The following DSE variants were observed in gnomAD, a reference collection of about 807,000 sequenced individuals.
DSE encodes dermatan sulfate epimerase, also known as dermatan-sulfate epimerase.
A neutral mutation model predicts 84.4 loss-of-function variants in DSE; 36 were observed. The observed-to-expected ratio is 0.43, with a 90% CI of 0.33 to 0.56. The LOEUF (loss-of-function observed/expected upper bound fraction) is 0.56, where lower values mean the gene tolerates loss of function less well. Ranked by LOEUF, DSE falls within the 20% of genes least tolerant of loss-of-function variation. The probability of loss-of-function intolerance (pLI) is 0.06; values close to 1 mark genes in which losing one functional copy is unlikely to be tolerated. For missense variants in DSE, 862 were observed against 1,169.6 expected (o/e 0.74, Z 3.84); for synonymous variants, 410 against 430.1 (o/e 0.95, Z 0.58).
intron 2 of DSE, among the ~76,000 whole-genome samples, chr6:116,404,305 A>G (rs1781781389): frequency 6.6e-6 from 1 of 152,258 alleles, no homozygotes; most frequent in Non-Finnish European, 1.5e-5. Context: ...TCACTTAATA[A>G]TATGGGAAGA....
chr6:116,401,954 A>G (rs1781626263), intron 2 of DSE, among the ~76,000 whole-genome samples: 1 of 151,990 alleles, frequency 6.6e-6, no homozygotes, highest in African/African-American at 2.4e-5. Flanking sequence ...CAATAGCTTC[A>G]TCAGGCTGAA....
intron 2 of DSE, among the ~76,000 whole-genome samples, chr6:116,357,817 C>G (rs1429903080): frequency 1.3e-5 from 2 of 152,136 alleles, no homozygotes; most frequent in Non-Finnish European, 2.9e-5. Context: ...TCCGCGTGCG[C>G]ACGTGTGTGT....
At chr6:116,310,546 A>G (rs1015510773) in intron 2 of DSE, among the ~76,000 whole-genome samples, 2 of 151,968 alleles carry the variant, frequency 1.3e-5, no homozygotes, top group African/African-American at 2.4e-5. Flanking sequence ...CGGCTCCACA[A>G]TTCATTCAGT....
At chr6:116,396,622 C>T (rs150873154) in intron 1 of DSE, among the ~76,000 whole-genome samples, 31 of 152,294 alleles carry the variant, frequency 2.0e-4, no homozygotes, top group South Asian at 8.3e-4. Context: ...GTTGAGATGG[C>T]ATCCTTCCCA....
At chr6:116,433,262 A>G (rs1214087360) in intron 4 of DSE, 81 bp from the exon 5 acceptor site, 2 of 1,356,146 alleles carry the variant, frequency 1.5e-6, no homozygotes. Flanking sequence ...TTGCAACTAG[A>G]TTTGAAAAGT....
Position 116,444,725 on chromosome 6 carries a change from G to T in DSE, c.*7380G>T, listed in dbSNP as rs957766413. 6.6e-6 allele frequency: 1 copy of T among 152,184 alleles called. No homozygotes were observed. Among genetic ancestry groups the T allele is most frequent in the African/African-American group, 2.4e-5 (1 of 41,424 alleles). The allele number at this position is 152,184 out of a possible 1,614,324, so 9.4% of individuals were successfully genotyped here. On this transcript the variant is annotated 3_prime_UTR_variant, in exon 6 of 6. Transcript: ENST00000644252. The stretch of plus-strand genomic sequence containing the variant: ...AGAGGTCCCTTGTCCCTTCCAACAT[G>T]TGAGGCTACAGTGAAAAGATGGCCA...
chr6:116,376,433 C>G (rs1272285968), intron 1 of DSE, among the ~76,000 whole-genome samples: 1 of 152,144 alleles, frequency 6.6e-6, no homozygotes, highest in Non-Finnish European at 1.5e-5. Flanking sequence ...GAAAAGTGTT[C>G]AGAGAGCCTG....
At chr6:116,332,250 A>G (rs2114793646) in intron 2 of DSE, among the ~76,000 whole-genome samples, 1 of 152,336 alleles carries the variant, frequency 6.6e-6, no homozygotes, top group African/African-American at 2.4e-5. Context: ...AGACATTAAA[A>G]AAGACAAATC....
intron 2 of DSE, among the ~76,000 whole-genome samples, chr6:116,328,079 T>G (rs1776731748): frequency 6.6e-6 from 1 of 152,186 alleles, no homozygotes; most frequent in Non-Finnish European, 1.5e-5. Flanking sequence ...CATTAGCCCA[T>G]CAACAGAACC....
At chr6:116,281,420 A>G (rs1487195510) in intron 2 of DSE, among the ~76,000 whole-genome samples, 1 of 152,206 alleles carries the variant, frequency 6.6e-6, no homozygotes, top group Non-Finnish European at 1.5e-5. Flanking sequence ...TATGAAATGA[A>G]TACACCTTGG....
At position 116,305,203 on chromosome 6, in the gene DSE, C is replaced by G. The variant is rs140844090; in HGVS notation, c.-54+46236C>G. Among the ~76,000 whole-genome samples, 274 of 152,038 alleles carry G rather than the reference C, an allele frequency of 1.8e-3. 1 individual carries two copies. The highest frequency in any genetic ancestry group is 5.4e-3 in the Admixed American group (82 of 15,262). On this transcript the variant is annotated intron_variant, in intron 2 of 3. Transcript: ENST00000430252. ...GTTGGGTCTCCCACATAAGTGTCCTCCCTTCTCTCCCATCCTCTCCCATCC... is the reference window on the plus strand; with the variant it reads ...GTTGGGTCTCCCACATAAGTGTCCTGCCTTCTCTCCCATCCTCTCCCATCC...
At chr6:116,432,255 G>C (rs1447564731) in intron 4 of DSE, among the ~76,000 whole-genome samples, 1 of 152,230 alleles carries the variant, frequency 6.6e-6, no homozygotes, top group East Asian at 1.9e-4. Flanking sequence ...ATCAGGAATT[G>C]TGTTTGCTGT....
upstream of DSE, chr6:116,370,859 C>T: frequency 1.0e-6 from 1 of 985,742 alleles, no homozygotes; most frequent in Non-Finnish European, 1.2e-6. Context: ...GCGGTTTCCT[C>T]CCCCCTCCAG....
chr6:116,272,752 A>G (rs1051507569), intron 2 of DSE, among the ~76,000 whole-genome samples: 8 of 152,218 alleles, frequency 5.3e-5, no homozygotes, highest in East Asian at 1.9e-4. Context: ...GCTCAAAGCT[A>G]TATATAATGA....
chr6:116,431,783 TA>T (rs1034268293), intron 4 of DSE, among the ~76,000 whole-genome samples: 3 of 151,854 alleles, frequency 2.0e-5, no homozygotes, highest in Admixed American at 6.6e-5. Flanking sequence ...GAACTAGCTC[TA>T]AAAAAAATAT....
At chr6:116,427,143 G>A (rs531092123) in intron 3 of DSE, among the ~76,000 whole-genome samples, 1 of 143,110 alleles carries the variant, frequency 7.0e-6, no homozygotes, top group South Asian at 2.2e-4. Flanking sequence ...CAGCCATCCT[G>A]GAATAAGTGA....
At chr6:116,412,965 T>C (rs1782478421) in intron 2 of DSE, among the ~76,000 whole-genome samples, 1 of 152,128 alleles carries the variant, frequency 6.6e-6, no homozygotes, top group Middle Eastern at 3.2e-3. Flanking sequence ...TATTTGGTTT[T>C]CTGTGTCTGC....
Position 116,436,419 on chromosome 6 carries a change from A to G in DSE, c.1951A>G (p.Met651Val), listed in dbSNP as rs768490336. ...TGGGACAAACTATGTGAATGTCACC[A>G]TGCACCTCCGAAGTCCCATCACCAG... ...YNGTNYVNVT[M>V]HLRSPITRAA... Residue 651 changes from methionine to valine, a missense_variant, in exon 6 of 6, where the codon ATG (methionine) becomes GTG (valine). Met to Val is a conservative substitution (Grantham distance 21). Coordinates refer to ENST00000644252, the MANE Select transcript of DSE (RefSeq NM_013352.4). 3.1e-6 allele frequency: 5 copies of G among 1,614,134 alleles called. No homozygotes were observed. The South Asian group carries it at 5.5e-5, about 18-fold the overall frequency.
intron 2 of DSE, chr6:116,400,722 G>T (rs1463802339): frequency 1.3e-5 from 2 of 152,116 alleles, no homozygotes; most frequent in African/African-American, 4.8e-5. Flanking sequence ...AGGTTGAAAA[G>T]AATTTTTTAT....
Sources: allele counts gnomAD v4.1 joint callset (sites outside exome capture counted in the v4.1 genomes callset), GRCh38; gene constraint gnomAD v4.1.1; transcripts MANE v1.5; gene names NCBI Gene and HGNC (gene_info 2026-07-23, HGNC 2026-07-21).